The following RASA1 variants were observed in gnomAD, a reference collection of about 807,000 sequenced individuals.
RASA1 encodes ras GTPase-activating protein 1.
Under a neutral mutation model 132.2 loss-of-function variants are expected in RASA1, and 25 were observed. The observed-to-expected ratio is 0.19, with a 90% CI of 0.14 to 0.26. RASA1 has a LOEUF of 0.26. Among genes scored for constraint, RASA1 ranks in the 10% least tolerant of loss-of-function variants. RASA1 has a pLI of 1.00. For missense variants in RASA1, 964 were observed against 1,299.2 expected (o/e 0.74, Z 3.97); for synonymous variants, 477 against 449.9 (o/e 1.06, Z -0.76).
At chr5:87,342,162 CTTTTTTTTT>C (rs531793273) in intron 6 of RASA1, among the ~76,000 whole-genome samples, 3 of 139,788 alleles carry the variant, frequency 2.1e-5, no homozygotes, top group African/African-American at 7.8e-5. Flanking sequence ...GTTATTTTTT[CTTTTTTTTT>C]TTTTTTGAGA....
intron 21 of RASA1, among the ~76,000 whole-genome samples, chr5:87,384,336 G>A (rs1368934676): frequency 1.3e-5 from 2 of 152,026 alleles, no homozygotes; most frequent in African/African-American, 4.8e-5. Flanking sequence ...ATGACTTTCA[G>A]GTGTTAAAAG....
At chr5:87,320,568 C>G (rs182251055) in intron 1 of RASA1, among the ~76,000 whole-genome samples, 1 of 152,036 alleles carries the variant, frequency 6.6e-6, no homozygotes, top group African/African-American at 2.4e-5. Flanking sequence ...AGTGGGGAAG[C>G]GCCACACACT....
chr5:87,369,821 G>C lies in RASA1; in HGVS notation c.1619G>C (p.Cys540Ser). The change falls in exon 12 of 25, where the codon TGT becomes TCT. Residue 540 changes from cysteine (C) to serine (S), a missense_variant. Coordinates refer to ENST00000274376, the MANE Select transcript of RASA1 (RefSeq NM_002890.3). Reference protein sequence around the residue: ...VHDSLFGRPNCFQIVVQHFSE... With the variant: ...VHDSLFGRPNSFQIVVQHFSE... ...TTGTTTTTATTTTAAAGGCCAAACT[G>C]TTTTCAGATAGTAGTTCAGCACTTT... The C allele has an allele frequency of 6.2e-7, 1 of 1,610,842 alleles. No homozygotes were observed. Among genetic ancestry groups the C allele is most frequent in the Non-Finnish European group, 8.5e-7 (1 of 1,177,994 alleles).
chr5:87,347,273 T>C (rs866441570), intron 7 of RASA1, among the ~76,000 whole-genome samples: 53 of 152,188 alleles, frequency 3.5e-4, no homozygotes, highest in Admixed American at 1.0e-3. Flanking sequence ...TGTGGAATTA[T>C]ATGATTGAGC....
At position 87,391,549 on chromosome 5, in the gene RASA1, A is replaced by G. The variant is rs957293978; in HGVS notation, c.*666A>G. ...CGACTTATTTTGTTGAAATTGTCAA[A>G]GACTGTATTTAGATCTCATAATGCT... On this transcript the variant is annotated 3_prime_UTR_variant, in exon 25 of 25. Transcript: ENST00000274376. 4.6e-5 allele frequency: 11 copies of G among 237,914 alleles called. No individual in the cohort carries two copies. Among genetic ancestry groups the G allele is most frequent in the African/African-American group, 2.4e-4 (11 of 45,336 alleles). 14.7% of individuals were successfully genotyped at this position (237,914 alleles called of 1,614,324 possible).
intron 1 of RASA1, among the ~76,000 whole-genome samples, chr5:87,296,581 T>G (rs967502810): frequency 6.6e-6 from 1 of 151,826 alleles, no homozygotes. Context: ...TCACATGGTA[T>G]AAATTTTTAG....
chr5:87,343,295 A>C (rs1010828829), intron 6 of RASA1, among the ~76,000 whole-genome samples: 21 of 152,118 alleles, frequency 1.4e-4, no homozygotes, highest in Admixed American at 5.9e-4. Context: ...AAATAACTAC[A>C]TTCTAGTTCA....
In RASA1 at chr5:87,323,951, T is replaced by C. The variant is rs139458332; in HGVS notation, c.540-7397T>C. On this transcript the variant is annotated intron_variant, in intron 1 of 24. Coordinates refer to ENST00000274376, the MANE Select transcript of RASA1 (RefSeq NM_002890.3). ...TTACAGTTGCTTAATTTGTCTGTCTTCTCCACTAGAACCTAAACTTTCCTG... is the reference window on the plus strand; with the variant it reads ...TTACAGTTGCTTAATTTGTCTGTCTCCTCCACTAGAACCTAAACTTTCCTG... 7.9e-4 allele frequency among the ~76,000 whole-genome samples: 121 copies of C among 152,284 alleles called. 1 individual carries two copies. The highest frequency in any genetic ancestry group is 2.7e-3 in the African/African-American group (112 of 41,576).
chr5:87,379,822 A>C lies in RASA1; in HGVS notation c.2575A>C (p.Ile859Leu). Residue 859 changes from isoleucine (I) to leucine (L), a missense_variant, in exon 19 of 25, where the codon ATA (isoleucine) becomes CTA (leucine). By Grantham distance (5) the Ile-to-Leu change is conservative. This residue lies in a region of RASA1 where 346 missense variants were observed against 520.1 expected (regional missense o/e 0.67). Transcript: ENST00000274376. Reference sequence around the variant, plus strand: ...CATACTTTCAGAGCTTGTGGAGAAAATATTCATGGCTTCAGAAATACTTCC... The same window carrying C: ...CATACTTTCAGAGCTTGTGGAGAAACTATTCATGGCTTCAGAAATACTTCC... ...LNILSELVEK[I>L]FMASEILPPT... 1 of 1,612,794 alleles carries C rather than the reference A, an allele frequency of 6.2e-7. No individual in the cohort carries two copies. The highest frequency in any genetic ancestry group is 8.5e-7 in the Non-Finnish European group (1 of 1,179,102).
rs1759331590 is a variant in RASA1 at position 87,352,305 on chromosome 5, C to T, written c.1254-852C>T. 3.3e-5 allele frequency among the ~76,000 whole-genome samples: 5 copies of T among 149,680 alleles called. No individual in the cohort carries two copies. The South Asian group carries it at 1.0e-3, about 31-fold the overall frequency. On this transcript the variant is annotated intron_variant, in intron 8 of 24. Coordinates refer to ENST00000274376, the MANE Select transcript of RASA1 (RefSeq NM_002890.3). Reference sequence around the variant, plus strand: ...AGGGAAGATAACATACTTGAAGATACACACACACACACATATATATTCTAA... The same window carrying T: ...AGGGAAGATAACATACTTGAAGATATACACACACACACATATATATTCTAA...
intron 1 of RASA1, among the ~76,000 whole-genome samples, chr5:87,301,173 T>C (rs1405774227): frequency 6.6e-6 from 1 of 152,210 alleles, no homozygotes; most frequent in African/African-American, 2.4e-5. Flanking sequence ...ATAAAGTGTT[T>C]AGTGTAGATA....
At chr5:87,292,175 T>A (rs1370335713) in intron 1 of RASA1, among the ~76,000 whole-genome samples, 2 of 152,212 alleles carry the variant, frequency 1.3e-5, no homozygotes, top group African/African-American at 2.4e-5. Context: ...TTAATTTTAA[T>A]GAAATCCAGC....
At chr5:87,386,946 T>C in intron 23 of RASA1, 43 bp downstream of exon 23, 1 of 1,489,544 alleles carries the variant, frequency 6.7e-7, no homozygotes, top group Non-Finnish European at 9.3e-7. Flanking sequence ...GACTTCTAGT[T>C]GATATAGCTG....
At chr5:87,357,908 TTTGA>T (rs1383366262) in intron 9 of RASA1, among the ~76,000 whole-genome samples, 7 of 152,288 alleles carry the variant, frequency 4.6e-5, no homozygotes, top group African/African-American at 1.2e-4. Context: ...TATAAAGCAA[TTTGA>T]TTGATTGCTA....
intron 1 of RASA1, among the ~76,000 whole-genome samples, chr5:87,320,869 C>T (rs958047464): frequency 6.6e-6 from 1 of 152,154 alleles, no homozygotes; most frequent in Non-Finnish European, 1.5e-5. Flanking sequence ...AAGGTGAAAA[C>T]AAGGTAGTAT....
At chr5:87,286,902 T>C (rs961207676) in intron 1 of RASA1, among the ~76,000 whole-genome samples, 4 of 149,734 alleles carry the variant, frequency 2.7e-5, no homozygotes, top group Non-Finnish European at 4.5e-5. Context: ...ATATACACCA[T>C]ATATAAGGAA....
chr5:87,292,087 T>C (rs1402846976), intron 1 of RASA1, among the ~76,000 whole-genome samples: 2 of 152,212 alleles, frequency 1.3e-5, no homozygotes, highest in African/African-American at 4.8e-5. Context: ...CAGATGTGTC[T>C]TTTGAAAATA....
intron 1 of RASA1, among the ~76,000 whole-genome samples, chr5:87,279,881 G>T (rs1264610275): frequency 6.6e-6 from 1 of 152,148 alleles, no homozygotes; most frequent in Non-Finnish European, 1.5e-5. Flanking sequence ...GCTAGCCAAT[G>T]AAAAAAGCTG....
intron 1 of RASA1, among the ~76,000 whole-genome samples, chr5:87,295,397 T>G (rs966310050): frequency 6.6e-6 from 1 of 151,334 alleles, no homozygotes; most frequent in African/African-American, 2.4e-5. Flanking sequence ...TTGCCCTGTT[T>G]CTTTGTAACT....
Sources: allele counts gnomAD v4.1 joint callset (sites outside exome capture counted in the v4.1 genomes callset), GRCh38; gene constraint gnomAD v4.1.1; regional missense constraint gnomAD v4.1.1; transcripts MANE v1.5; gene names NCBI Gene and HGNC (gene_info 2026-07-23, HGNC 2026-07-21).